Variants in DLC1 observed in about 807,000 individuals in gnomAD.
The protein encoded by DLC1 is DLC1 Rho GTPase activating protein.
A neutral mutation model predicts 140.3 loss-of-function variants in DLC1; 54 were observed. The ratio of observed to expected loss-of-function variants is 0.38; its 90% CI spans 0.31 to 0.48. The LOEUF is 0.48. Ranked by LOEUF, DLC1 falls within the 20% of genes least tolerant of loss-of-function variation. DLC1 has a pLI of 0.96. For synonymous variants in DLC1, 986 were observed against 728.1 expected (o/e 1.35, Z -5.70); for missense variants, 2,536 against 1,907.0 (o/e 1.33, Z -6.14).
At chr8:13,585,877 A>G (rs1166634843) in intron 1 of DLC1, among the ~76,000 whole-genome samples, 1 of 152,216 alleles carries the variant, frequency 6.6e-6, no homozygotes, top group African/African-American at 2.4e-5. Context: ...ATACAGTCAC[A>G]TTCTGAAGTA....
At chr8:13,587,183 A>G (rs1805352328) in intron 1 of DLC1, among the ~76,000 whole-genome samples, 1 of 151,796 alleles carries the variant, frequency 6.6e-6, no homozygotes, top group Admixed American at 6.6e-5. Context: ...ACATTTTATT[A>G]GAATAGATAA....
rs112581696 is a variant in DLC1, at chr8:13,345,681, C to T, written c.1315-40379G>A. On this transcript the variant is annotated intron_variant, in intron 4 of 17. Transcript: ENST00000276297. The stretch of plus-strand genomic sequence containing the variant: ...CAAGCGGTCCTCCTGCCTCAGCCTC[C>T]CGAGTAGCTGGGATTACAGGCACCT... Among the ~76,000 whole-genome samples the T allele has an allele frequency of 9.4e-3, 1,426 of 151,092 alleles. 14 individuals are homozygous for T. Among genetic ancestry groups the T allele is most frequent in the Non-Finnish European group, 0.015 (1,024 of 67,848 alleles).
chr8:13,441,770 C>A (rs1311646511), intron 2 of DLC1, among the ~76,000 whole-genome samples: 5 of 152,126 alleles, frequency 3.3e-5, no homozygotes, highest in Non-Finnish European at 5.9e-5. Context: ...ATATCGTGAA[C>A]ATGGCCATAC....
intron 3 of DLC1, among the ~76,000 whole-genome samples, chr8:13,400,742 G>C (rs919021899): frequency 1.3e-5 from 2 of 151,970 alleles, no homozygotes; most frequent in African/African-American, 4.8e-5. Flanking sequence ...TAGATGAGTT[G>C]AAAAGTGATT....
At chr8:13,408,295 G>A (rs1837650857) in intron 2 of DLC1, among the ~76,000 whole-genome samples, 3 of 152,116 alleles carry the variant, frequency 2.0e-5, no homozygotes, top group Non-Finnish European at 4.4e-5. Flanking sequence ...ATTTAAAGTT[G>A]CAACAAGCAA....
intron 5 of DLC1, among the ~76,000 whole-genome samples, chr8:13,259,085 C>G (rs553002463): frequency 1.4e-5 from 2 of 142,196 alleles, no homozygotes; most frequent in South Asian, 2.3e-4. Flanking sequence ...TGCAGTGAGC[C>G]GAGATCACAC....
intron 5 of DLC1, among the ~76,000 whole-genome samples, chr8:13,211,358 T>C (rs1323991798): frequency 1.3e-5 from 2 of 152,200 alleles, no homozygotes; most frequent in African/African-American, 2.4e-5. Context: ...CTGTACTCTG[T>C]GTGCTACTTT....
chr8:13,512,441 T>A (rs779227958), intron 1 of DLC1, among the ~76,000 whole-genome samples: 6 of 152,166 alleles, frequency 3.9e-5, no homozygotes, highest in South Asian at 2.1e-4. Flanking sequence ...GACATTTATT[T>A]ATATACTGTA....
At chr8:13,282,056 T>C (rs1461614852) in intron 5 of DLC1, among the ~76,000 whole-genome samples, 1 of 152,180 alleles carries the variant, frequency 6.6e-6, no homozygotes, top group Non-Finnish European at 1.5e-5. Context: ...CAGAATTACA[T>C]AGGGTGGGGA....
At chr8:13,336,473 A>G (rs1033610454) in intron 4 of DLC1, among the ~76,000 whole-genome samples, 1 of 152,232 alleles carries the variant, frequency 6.6e-6, no homozygotes, top group Non-Finnish European at 1.5e-5. Context: ...GCATGAGATT[A>G]GCTTGTTTTT....
chr8:13,292,721 A>G (rs1831805048), intron 5 of DLC1, among the ~76,000 whole-genome samples: 1 of 152,218 alleles, frequency 6.6e-6, no homozygotes, highest in South Asian at 2.1e-4. Flanking sequence ...ATTCAAGTTA[A>G]GTCTAACAGA....
intron 2 of DLC1, among the ~76,000 whole-genome samples, chr8:13,437,397 A>G (rs781243467): frequency 2.0e-5 from 3 of 152,230 alleles, no homozygotes; most frequent in African/African-American, 4.8e-5. Context: ...TCAATTGAGC[A>G]TCTTTCGAAA....
chr8:13,580,097 C>T (rs554095566), intron 1 of DLC1, among the ~76,000 whole-genome samples: 1 of 149,396 alleles, frequency 6.7e-6, no homozygotes, highest in African/African-American at 2.5e-5. Flanking sequence ...TGCCAATTAT[C>T]AGCTTCTAAT....
intron 4 of DLC1, among the ~76,000 whole-genome samples, chr8:13,378,723 A>G (rs1167814417): frequency 6.6e-6 from 1 of 152,182 alleles, no homozygotes; most frequent in Non-Finnish European, 1.5e-5. Flanking sequence ...TGAAAGATGA[A>G]CAGAACTTCC....
intron 1 of DLC1, among the ~76,000 whole-genome samples, chr8:13,541,241 CAAAT>C (rs1803474823): frequency 6.6e-6 from 1 of 151,612 alleles, no homozygotes; most frequent in South Asian, 2.1e-4. Flanking sequence ...TTGGTTATAA[CAAAT>C]AAAGCTGGTA....
intron 2 of DLC1, among the ~76,000 whole-genome samples, chr8:13,407,072 G>C (rs1009742738): frequency 6.6e-6 from 1 of 152,120 alleles, no homozygotes; most frequent in African/African-American, 2.4e-5. Flanking sequence ...TTCAGACATA[G>C]GTCAATAGAT....
chr8:13,332,179 C>A (rs1363499236), intron 4 of DLC1, among the ~76,000 whole-genome samples: 1 of 152,116 alleles, frequency 6.6e-6, no homozygotes, highest in Non-Finnish European at 1.5e-5. Context: ...TTATTTCAAC[C>A]ATTTTTGAAA....
At chr8:13,236,777 T>G (rs1018189813) in intron 5 of DLC1, among the ~76,000 whole-genome samples, 7 of 152,012 alleles carry the variant, frequency 4.6e-5, no homozygotes, top group Admixed American at 2.0e-4. Flanking sequence ...CAACTTGAGA[T>G]CAATATTCTG....
intron 5 of DLC1, among the ~76,000 whole-genome samples, chr8:13,145,428 T>C (rs1823348006): frequency 6.6e-6 from 1 of 152,232 alleles, no homozygotes. Context: ...TGTATATTTC[T>C]CATAGAAAGG....
Sources: gnomAD v4.1 joint callset for allele counts (sites outside exome capture counted in the v4.1 genomes callset) on GRCh38, gnomAD v4.1.1 for gene constraint, MANE v1.5 for transcripts, NCBI Gene and HGNC (gene_info 2026-07-23, HGNC 2026-07-21) for gene names.